Variants in SEPHS1 observed in about 807,000 individuals in gnomAD.
SEPHS1 encodes the protein selenophosphate synthetase 1, also known as zincore component SEPHS1.
In SEPHS1, 7 loss-of-function variants were observed where a neutral mutation model predicts 39.2. The observed-to-expected ratio is 0.18, with a 90% CI of 0.10 to 0.34. The LOEUF (loss-of-function observed/expected upper bound fraction) is 0.34. Ranked by LOEUF, SEPHS1 falls within the 10% of genes least tolerant of loss-of-function variation. The pLI is 1.00. For missense variants in SEPHS1, 253 were observed against 514.5 expected (o/e 0.49, Z 4.92); for synonymous variants, 190 against 195.5 (o/e 0.97, Z 0.23).
At chr10:13,329,939 G>A in intron 5 of SEPHS1, 151 bp from the exon 6 acceptor site, 4 of 645,688 alleles carry the variant, frequency 6.2e-6, no homozygotes, top group Non-Finnish European at 1.1e-5. Context: ...ATGGGACAGA[G>A]CCTTGCAACC....
At chr10:13,346,911 C>T (rs1216983282) in intron 1 of SEPHS1, among the ~76,000 whole-genome samples, 1 of 152,050 alleles carries the variant, frequency 6.6e-6, no homozygotes, top group Non-Finnish European at 1.5e-5. Context: ...CAGGAAGGCG[C>T]TCAGATTTAA....
At chr10:13,347,719 T>G in intron 1 of SEPHS1, among the ~76,000 whole-genome samples, 2 of 143,050 alleles carry the variant, frequency 1.4e-5, no homozygotes, top group Admixed American at 6.9e-5. Flanking sequence ...AACCCCTGCG[T>G]GGCCGCCGCC....
intron 1 of SEPHS1, among the ~76,000 whole-genome samples, chr10:13,346,735 G>GA (rs1261070535): frequency 2.0e-5 from 3 of 151,748 alleles, no homozygotes; most frequent in Non-Finnish European, 4.4e-5. Flanking sequence ...AAAAGAAAAA[G>GA]AAAAAATCCA....
At chr10:13,325,007 AGTT>A (rs1258567323) in intron 7 of SEPHS1, among the ~76,000 whole-genome samples, 1 of 151,862 alleles carries the variant, frequency 6.6e-6, no homozygotes, top group Non-Finnish European at 1.5e-5. Context: ...GTTTAAATTG[AGTT>A]GTTTTTTATT....
intron 8 of SEPHS1, 33 bp downstream of exon 8, chr10:13,322,802 A>G (rs757858651): frequency 1.3e-6 from 2 of 1,596,198 alleles, no homozygotes; most frequent in South Asian, 2.2e-5. Flanking sequence ...TAGCCTCACT[A>G]TTTAGTCCTC....
chr10:13,346,703 C>T (rs1338269377), intron 1 of SEPHS1, among the ~76,000 whole-genome samples: 1 of 151,986 alleles, frequency 6.6e-6, no homozygotes, highest in Non-Finnish European at 1.5e-5. Flanking sequence ...TTTAACACAG[C>T]CTCACCCCTA....
At chr10:13,338,173 A>G (rs1039653736) in intron 3 of SEPHS1, among the ~76,000 whole-genome samples, 5 of 152,230 alleles carry the variant, frequency 3.3e-5, no homozygotes, top group African/African-American at 1.2e-4. Flanking sequence ...ACAGCGGCAC[A>G]TCACACGGTG....
At position 13,319,354 on chromosome 10, in the gene SEPHS1, C is replaced by T. The variant is rs1272344983; in HGVS notation, c.967G>A (p.Gly323Ser). 2.5e-6 allele frequency: 4 copies of T among 1,611,922 alleles called. No individual in the cohort carries two copies. Among genetic ancestry groups the T allele is most frequent in the South Asian group, 1.1e-5 (1 of 90,510 alleles). ...MHGTCPETSG[G>S]LLICLPREQA... ...TCACGTGGTAAACAGATCAGAAGGCCGCCTGGCAAAAGAAAACAAGAATGA... is the reference window on the plus strand; with the variant it reads ...TCACGTGGTAAACAGATCAGAAGGCTGCCTGGCAAAAGAAAACAAGAATGA... The change falls in exon 9 of 9, where the codon GGC becomes AGC. Residue 323 changes from glycine to serine, a missense_variant and splice_region_variant. Physicochemically the swap from Gly to Ser is moderately conservative, Grantham distance 56. Around this residue, in one of 4 missense-constraint regions of SEPHS1, gnomAD observed 107 missense variants for 257.1 expected, o/e 0.42. Transcript: ENST00000327347.
intron 1 of SEPHS1, among the ~76,000 whole-genome samples, chr10:13,346,493 TAAC>T (rs1833926099): frequency 1.3e-5 from 2 of 152,076 alleles, no homozygotes; most frequent in South Asian, 4.1e-4. Flanking sequence ...GTGGGAAACG[TAAC>T]AACTGAGCAG....
At chr10:13,331,563 A>C (rs983947449) in intron 5 of SEPHS1, among the ~76,000 whole-genome samples, 1 of 151,988 alleles carries the variant, frequency 6.6e-6, no homozygotes, top group East Asian at 1.9e-4. Flanking sequence ...TTGTATTTTT[A>C]GTAGAGACAG....
At chr10:13,347,624 A>G (rs1028234155) in intron 1 of SEPHS1, among the ~76,000 whole-genome samples, 1 of 145,624 alleles carries the variant, frequency 6.9e-6, no homozygotes, top group African/African-American at 2.5e-5. Context: ...CCCCGGAGGC[A>G]CCCCGCGACC....
intron 1 of SEPHS1, among the ~76,000 whole-genome samples, chr10:13,347,541 G>C (rs929000572): frequency 2.7e-5 from 4 of 146,980 alleles, no homozygotes; most frequent in Non-Finnish European, 6.1e-5. Context: ...CGGCCCAGGA[G>C]CCGGGGAGGA....
rs375449690 is a variant in SEPHS1 at position 13,319,360 on chromosome 10, G to A, written c.965-4C>T. The A allele has an allele frequency of 3.1e-6, 5 of 1,611,840 alleles. No homozygotes were observed. In the African/African-American group the frequency reaches 4.0e-5, roughly 13 times the overall value. ...GGTAAACAGATCAGAAGGCCGCCTG[G>A]CAAAAGAAAACAAGAATGACTGTTA... On this transcript the variant is annotated splice_region_variant and splice_polypyrimidine_tract_variant and intron_variant, in intron 8 of 8. Coordinates refer to ENST00000327347, the MANE Select transcript of SEPHS1 (RefSeq NM_012247.5).
chr10:13,337,637 C>T (rs894878700), intron 3 of SEPHS1, among the ~76,000 whole-genome samples: 1 of 152,158 alleles, frequency 6.6e-6, no homozygotes, highest in African/African-American at 2.4e-5. Context: ...ACAACTCGCA[C>T]AAGCCAATCG....
chr10:13,317,881 AAC>A lies in SEPHS1; in HGVS notation c.*1259_*1260del, dbSNP rs1235391039. On this transcript the variant is annotated 3_prime_UTR_variant, in exon 9 of 9. Transcript: ENST00000327347. ...ATATAAGGAAGCCTCCACTTTACAT[AAC>A]ACAGAGAACACCTTTTTAGATTGCC... The A allele has an allele frequency of 6.6e-6, 1 of 152,186 alleles. No individual in the cohort carries two copies. The highest frequency in any genetic ancestry group is 1.5e-5 in the Non-Finnish European group (1 of 68,038). 9.4% of individuals were successfully genotyped at this position (152,186 alleles called of 1,614,324 possible).
intron 8 of SEPHS1, among the ~76,000 whole-genome samples, chr10:13,320,348 A>G (rs1833070343): frequency 6.6e-6 from 1 of 151,536 alleles, no homozygotes; most frequent in Non-Finnish European, 1.5e-5. Flanking sequence ...CACCCGGCTA[A>G]TTTTTTGTAT....
At chr10:13,332,813 A>G (rs1833511087) in intron 5 of SEPHS1, among the ~76,000 whole-genome samples, 1 of 151,708 alleles carries the variant, frequency 6.6e-6, no homozygotes, top group Non-Finnish European at 1.5e-5. Context: ...ACTGCACTCC[A>G]GCCTGGGCGA....
rs372211819 is a variant in SEPHS1, at chr10:13,327,998, C to A, written c.751+353G>T. On this transcript the variant is annotated intron_variant, in intron 7 of 8. Transcript: ENST00000327347. ...GGGATGGGTGGGAGTGGGGGCACTT[C>A]TAGACTTCCAAGGTTATGTTCTGGA... Among the ~76,000 whole-genome samples, 6 of 151,828 alleles carry A rather than the reference C, an allele frequency of 4.0e-5. No homozygotes were observed. In the East Asian group the frequency reaches 9.7e-4, roughly 25 times the overall value.
At chr10:13,334,547 CAA>C (rs879583941) in intron 4 of SEPHS1, among the ~76,000 whole-genome samples, 6 of 142,482 alleles carry the variant, frequency 4.2e-5, no homozygotes, top group Admixed American at 7.0e-5. Flanking sequence ...ATCTCAAAAA[CAA>C]AAAAAAAAAA....
Sources: gnomAD v4.1 joint callset for allele counts (sites outside exome capture counted in the v4.1 genomes callset) on GRCh38, gnomAD v4.1.1 for gene constraint, gnomAD v4.1.1 regional missense constraint, MANE v1.5 for transcripts, NCBI Gene and HGNC (gene_info 2026-07-23, HGNC 2026-07-21) for gene names.